CELF2: variants seen among roughly 807,000 people sequenced by gnomAD.
CELF2 encodes CUGBP Elav-like family member 2.
A neutral mutation model predicts 62.6 loss-of-function variants in CELF2; 8 were observed. That is an observed-to-expected ratio of 0.13 (90% CI 0.07 to 0.23). The LOEUF (loss-of-function observed/expected upper bound fraction) is 0.23. CELF2 is among the 10% of genes least tolerant of loss of function. CELF2 has a pLI of 1.00. For missense variants in CELF2, 333 were observed against 671.0 expected, an observed-to-expected ratio of 0.50 and a Z score of 5.56; for synonymous variants, 258 against 250.0, an observed-to-expected ratio of 1.03 and a Z score of -0.30.
At position 10,911,666 on chromosome 10, in the gene CELF2, C is replaced by T. The variant is rs532456618; in HGVS notation, c.54-8298C>T. Among the ~76,000 whole-genome samples, 6 of 152,356 alleles carry T rather than the reference C, an allele frequency of 3.9e-5. No homozygotes were observed. The East Asian group carries it at 1.2e-3, about 29-fold the overall frequency. On this transcript the variant is annotated intron_variant, in intron 1 of 13. Transcript: ENST00000636488. ...CCTGGGGCCTGTCCGGACCTCCGTCCAGGCAGCGAAATCCCAAAAGTGTAT... is the reference window on the plus strand; with the variant it reads ...CCTGGGGCCTGTCCGGACCTCCGTCTAGGCAGCGAAATCCCAAAAGTGTAT...
Position 11,246,323 on chromosome 10 carries a change from C to CT in CELF2, c.355-2826dup, listed in dbSNP as rs1211579841. On this transcript the variant is annotated intron_variant, in intron 3 of 12. Coordinates refer to ENST00000633077, the MANE Select transcript of CELF2 (RefSeq NM_001326342.2). The surrounding 1 kb of genome is among the most constrained non-coding windows in gnomAD (Gnocchi z 4.6). ...TTGAACCTGTGAATCTCAGTGGACT[C>CT]TTTTCAGCAGATGAACCTGTATAAG... 2.0e-5 allele frequency among the ~76,000 whole-genome samples: 3 copies of CT among 152,112 alleles called. No homozygotes were observed. Among genetic ancestry groups the CT allele is most frequent in the Admixed American group, 1.3e-4 (2 of 15,278 alleles).
chr10:10,974,929 G>A (rs776196426), intron 2 of CELF2, among the ~76,000 whole-genome samples: 3 of 152,126 alleles, frequency 2.0e-5, no homozygotes, highest in Non-Finnish European at 4.4e-5. Context: ...TTCCCATATT[G>A]GCAGAACAGC....
At chr10:10,856,881 A>G (rs1424317075) in intron 1 of CELF2, among the ~76,000 whole-genome samples, 1 of 152,174 alleles carries the variant, frequency 6.6e-6, no homozygotes, top group Non-Finnish European at 1.5e-5. Flanking sequence ...AGAAATTAGT[A>G]CCAGACTTGC....
At chr10:10,959,617 T>A (rs1352618871) in intron 2 of CELF2, among the ~76,000 whole-genome samples, 1 of 152,220 alleles carries the variant, frequency 6.6e-6, no homozygotes, top group East Asian at 1.9e-4. Context: ...GCAGCCCATG[T>A]TGGTTAGTGC....
At chr10:11,195,264 A>AT (rs2057156884) in intron 2 of CELF2, among the ~76,000 whole-genome samples, 1 of 152,128 alleles carries the variant, frequency 6.6e-6, no homozygotes, top group Non-Finnish European at 1.5e-5. Flanking sequence ...GTTAACTGCT[A>AT]TTTGGCTCAT....
intron 1 of CELF2, among the ~76,000 whole-genome samples, chr10:10,831,832 T>C (rs7908882): frequency 0.07 from 10,564 of 151,566 alleles, 486 homozygotes; most frequent in East Asian, 0.22. Context: ...ATTAGCCAGG[T>C]GTGGTGGCAT....
the CELF2 span, among the ~76,000 whole-genome samples, chr10:10,687,151 C>T: frequency 3.3e-5 from 5 of 152,176 alleles, no homozygotes; most frequent in African/African-American, 1.2e-4. Context: ...TGTGGAAGTG[C>T]TGCACAGATG....
the CELF2 span, among the ~76,000 whole-genome samples, chr10:10,503,375 A>G: frequency 6.6e-6 from 1 of 151,888 alleles, no homozygotes; most frequent in Non-Finnish European, 1.5e-5. Context: ...TTTCAGTTCT[A>G]ATTTTTGCTT....
At chr10:10,656,821 T>G in the CELF2 span, among the ~76,000 whole-genome samples, 1 of 146,346 alleles carries the variant, frequency 6.8e-6, no homozygotes, top group Non-Finnish European at 1.5e-5. Context: ...TGTATACATA[T>G]GTAACTAACC....
intron 1 of CELF2, among the ~76,000 whole-genome samples, chr10:10,913,640 C>G (rs2064025753): frequency 6.6e-6 from 1 of 151,290 alleles, no homozygotes; most frequent in Non-Finnish European, 1.5e-5. Flanking sequence ...ATCCACCTGC[C>G]TCAGGCTACC....
the CELF2 span, among the ~76,000 whole-genome samples, chr10:10,736,396 C>CTTTTTT: frequency 2.6e-5 from 2 of 76,014 alleles, no homozygotes; most frequent in South Asian, 4.5e-4. Flanking sequence ...TTCTTTCTTT[C>CTTTTTT]TTTTTTTTTT....
At chr10:10,557,434 T>C in the CELF2 span, among the ~76,000 whole-genome samples, 1 of 143,952 alleles carries the variant, frequency 6.9e-6, no homozygotes, top group Non-Finnish European at 1.5e-5. Flanking sequence ...TTGGTTACTG[T>C]AGCCTTGCAG....
chr10:10,999,223 GA>G (rs763347598), intron 2 of CELF2, among the ~76,000 whole-genome samples: 2 of 152,168 alleles, frequency 1.3e-5, no homozygotes, highest in Admixed American at 6.5e-5. Context: ...CGCACAGGAA[GA>G]ATGCTTCGTG....
At chr10:10,487,884 T>C in the CELF2 span, among the ~76,000 whole-genome samples, 1 of 152,142 alleles carries the variant, frequency 6.6e-6, no homozygotes, top group Non-Finnish European at 1.5e-5. Context: ...TTGAAGTTAG[T>C]AGTATTTGTA....
chr10:10,652,862 A>G, the CELF2 span, among the ~76,000 whole-genome samples: 1 of 152,188 alleles, frequency 6.6e-6, no homozygotes, highest in Non-Finnish European at 1.5e-5. Flanking sequence ...GATCAAATTC[A>G]CACATAACAA....
chr10:10,536,729 CAGAG>C, the CELF2 span, among the ~76,000 whole-genome samples: 1 of 152,170 alleles, frequency 6.6e-6, no homozygotes, highest in Non-Finnish European at 1.5e-5. Flanking sequence ...GTTATTTTAA[CAGAG>C]AGAATTTAAT....
At chr10:10,781,750 C>G in the CELF2 span, among the ~76,000 whole-genome samples, 1 of 152,144 alleles carries the variant, frequency 6.6e-6, no homozygotes. Context: ...TGTAAGTACA[C>G]TCTACGCTGG....
intron 2 of CELF2, among the ~76,000 whole-genome samples, chr10:10,956,187 T>C (rs1467105473): frequency 6.6e-6 from 1 of 152,200 alleles, no homozygotes; most frequent in East Asian, 1.9e-4. Context: ...TGAATGTCGA[T>C]ACTGAGTTAT....
In CELF2 at chr10:11,334,211, T is replaced by C. The variant is rs1292194449; in HGVS notation, c.*5158T>C. Reference sequence around the variant, plus strand: ...AAAACTTTAGGGTTTGCTTTTTTGCTGTTTAGATCAAAGTTTTTTCTGATT... The same window carrying C: ...AAAACTTTAGGGTTTGCTTTTTTGCCGTTTAGATCAAAGTTTTTTCTGATT... On this transcript the variant is annotated 3_prime_UTR_variant, in exon 13 of 13. Transcript: ENST00000633077. 1 of 152,692 alleles carries C rather than the reference T, an allele frequency of 6.5e-6. No individual in the cohort carries two copies. The highest frequency in any genetic ancestry group is 2.4e-5 in the African/African-American group (1 of 41,476). 9.5% of individuals were successfully genotyped at this position (152,692 alleles called of 1,614,324 possible).
Sources: allele counts gnomAD v4.1 joint callset (sites outside exome capture counted in the v4.1 genomes callset), GRCh38; gene constraint gnomAD v4.1.1; non-coding constraint Gnocchi (gnomAD v3.1); transcripts MANE v1.5; gene names NCBI Gene and HGNC (gene_info 2026-07-23, HGNC 2026-07-21).